Variants in E2F3 observed in about 807,000 individuals in gnomAD.
E2F3 encodes E2F transcription factor 3.
A neutral mutation model predicts 44.4 loss-of-function variants in E2F3; 11 were observed. The ratio of observed to expected loss-of-function variants is 0.25; its 90% CI spans 0.16 to 0.41. E2F3 has a LOEUF of 0.41. Ranked by LOEUF, E2F3 falls within the 10% of genes least tolerant of loss-of-function variation. The pLI, the probability that E2F3 is intolerant of heterozygous loss-of-function variation, is 1.00. For missense variants in E2F3, 487 were observed against 583.6 expected (o/e 0.83, Z 1.70); for synonymous variants, 249 against 253.0 (o/e 0.98, Z 0.15).
rs1762403715 is a variant in E2F3 at position 20,486,671 on chromosome 6, T to C, written c.885-18T>C. Reference sequence around the variant, plus strand: ...ATATCTGAGGTAATTAGATGGAAGATTCCTTGACACTCTTTACGTTAGCTT... The same window carrying C: ...ATATCTGAGGTAATTAGATGGAAGACTCCTTGACACTCTTTACGTTAGCTT... On this transcript the variant is annotated intron_variant, in intron 4 of 6. Transcript: ENST00000346618. 3.0e-6 allele frequency: 4 copies of C among 1,327,240 alleles called. No individual in the cohort carries two copies. The highest frequency in any genetic ancestry group is 4.3e-6 in the Non-Finnish European group (4 of 932,988). 82.2% of individuals were successfully genotyped at this position (1,327,240 alleles called of 1,614,324 possible).
Position 20,424,212 on chromosome 6 carries a change from T to G in E2F3, c.393+21587T>G, listed in dbSNP as rs528464604. On this transcript the variant is annotated intron_variant, in intron 1 of 6. Coordinates refer to ENST00000346618, the MANE Select transcript of E2F3 (RefSeq NM_001949.5). ...TTGATCTTTAACCTCAGTGGAAGGG[T>G]GTGTGTGTGTGTGTGTGTGTGTGTG... 2.4e-4 allele frequency among the ~76,000 whole-genome samples: 30 copies of G among 122,894 alleles called. No individual in the cohort carries two copies. The South Asian group carries it at 6.4e-3, about 26-fold the overall frequency. 80.6% of individuals were successfully genotyped at this position (122,894 alleles called of 152,430 possible).
chr6:20,435,462 C>A (rs1013865255), intron 1 of E2F3, among the ~76,000 whole-genome samples: 1 of 152,194 alleles, frequency 6.6e-6, no homozygotes, highest in African/African-American at 2.4e-5. Flanking sequence ...TATTAAAACT[C>A]ATTGACTTGG....
At chr6:20,439,513 A>G (rs2127596011) in intron 1 of E2F3, among the ~76,000 whole-genome samples, 1 of 152,300 alleles carries the variant, frequency 6.6e-6, no homozygotes, top group Admixed American at 6.5e-5. Flanking sequence ...TCCCTCTGCA[A>G]CCATCATTTT....
rs185242542 is a variant in E2F3 at position 20,473,798 on chromosome 6, A to G, written c.394-6048A>G. ...GTACTTTCCCAGTGGTTCCCAAGAA[A>G]AATCCCAGGATTGACTGACCCTTCC... On this transcript the variant is annotated intron_variant, in intron 1 of 6. Transcript: ENST00000346618. Among the ~76,000 whole-genome samples the G allele has an allele frequency of 1.0e-3, 153 of 152,266 alleles. 1 individual carries two copies. The highest frequency in any genetic ancestry group is 3.6e-3 in the African/African-American group (148 of 41,540).
chr6:20,465,010 C>G (rs908506330), intron 1 of E2F3, among the ~76,000 whole-genome samples: 2 of 152,208 alleles, frequency 1.3e-5, no homozygotes, highest in African/African-American at 4.8e-5. Context: ...ATCATCCTAG[C>G]AATCCTTACA....
At chr6:20,442,682 T>A (rs1760815564) in intron 1 of E2F3, among the ~76,000 whole-genome samples, 1 of 152,186 alleles carries the variant, frequency 6.6e-6, no homozygotes, top group Non-Finnish European at 1.5e-5. Flanking sequence ...TTTAAACATA[T>A]CTCAGGCCGG....
chr6:20,475,893 G>T (rs900172046), intron 1 of E2F3, among the ~76,000 whole-genome samples: 1 of 152,074 alleles, frequency 6.6e-6, no homozygotes, highest in Non-Finnish European at 1.5e-5. Flanking sequence ...TCTTTGAGGC[G>T]GGCCAGCCTC....
intron 1 of E2F3, among the ~76,000 whole-genome samples, chr6:20,454,495 T>C (rs952253123): frequency 3.9e-5 from 6 of 152,172 alleles, no homozygotes; most frequent in Admixed American, 3.9e-4. Flanking sequence ...TAGGAAACTT[T>C]TCTGAGTTTT....
Position 20,402,741 on chromosome 6 carries a change from C to T in E2F3, c.393+116C>T, listed in dbSNP as rs1581557281. The T allele has an allele frequency of 8.0e-7, 1 of 1,248,230 alleles. No homozygotes were observed. Among genetic ancestry groups the T allele is most frequent in the Non-Finnish European group, 1.0e-6 (1 of 997,832 alleles). The allele number at this position is 1,248,230 out of a possible 1,614,324, so 77.3% of individuals were successfully genotyped here. A position where few individuals can be genotyped will look rare whatever the true frequency, so the allele number is the denominator to read the frequency against. Reference sequence around the variant, plus strand: ...AGAGCACTGGGCCGAGCATCGTGGGCCTCGGGGGCTGCCCCTCCAACGAGG... The same window carrying T: ...AGAGCACTGGGCCGAGCATCGTGGGTCTCGGGGGCTGCCCCTCCAACGAGG... On this transcript the variant is annotated intron_variant, in intron 1 of 6. Coordinates refer to ENST00000346618, the MANE Select transcript of E2F3 (RefSeq NM_001949.5). This position sits in a 1 kb window ranked among gnomAD's most constrained non-coding sequence, Gnocchi z 5.6.
intron 1 of E2F3, chr6:20,445,247 C>CTTTT (rs397791188): frequency 5.7e-4 from 341 of 603,366 alleles, no homozygotes; most frequent in South Asian, 1.4e-3. Context: ...TATTTTCTCC[C>CTTTT]TTTTTTTTTT....
chr6:20,445,187 A>C (rs940560501), intron 1 of E2F3: 2 of 953,108 alleles, frequency 2.1e-6, no homozygotes, highest in East Asian at 1.2e-4. Flanking sequence ...TACTACCAAC[A>C]TCATCTTCCT....
At chr6:20,416,843 C>A in intron 1 of E2F3, among the ~76,000 whole-genome samples, 1 of 152,130 alleles carries the variant, frequency 6.6e-6, no homozygotes, top group East Asian at 1.9e-4. Flanking sequence ...GTCTTAGGTA[C>A]ACCAAGACAC....
At chr6:20,416,878 C>G (rs1227483110) in intron 1 of E2F3, among the ~76,000 whole-genome samples, 1 of 152,134 alleles carries the variant, frequency 6.6e-6, no homozygotes, top group African/African-American at 2.4e-5. Context: ...ACCCTTTGAT[C>G]TCTTTCCTGG....
intron 1 of E2F3, among the ~76,000 whole-genome samples, chr6:20,435,974 CTTTTTTTTTTT>C (rs68162662): frequency 0.77 from 108,794 of 140,658 alleles, 45,249 homozygotes; most frequent in East Asian, 0.93. Flanking sequence ...AAGAATTGTC[CTTTTTTTTTTT>C]TTTTTTTTTT....
chr6:20,413,530 G>T (rs1196689578), intron 1 of E2F3, among the ~76,000 whole-genome samples: 1 of 152,100 alleles, frequency 6.6e-6, no homozygotes, highest in Non-Finnish European at 1.5e-5. Flanking sequence ...TACAAAGATG[G>T]GTCTCCCAAA....
intron 1 of E2F3, among the ~76,000 whole-genome samples, chr6:20,466,130 G>A (rs927032757): frequency 1.3e-5 from 2 of 148,248 alleles, no homozygotes; most frequent in Non-Finnish European, 3.0e-5. Flanking sequence ...GGCGGGGGGT[G>A]TGGGCAGAGT....
chr6:20,453,705 G>A (rs1049211014), intron 1 of E2F3, among the ~76,000 whole-genome samples: 2 of 152,180 alleles, frequency 1.3e-5, no homozygotes, highest in African/African-American at 4.8e-5. Flanking sequence ...AGTCGTGCCT[G>A]ACTCAACTTT....
In E2F3 at chr6:20,484,952, C is replaced by CAA. The variant is rs575881477; in HGVS notation, c.885-1721_885-1720dup. ...TTAGTGACAGAGTGGGAGTCCGTCT[C>CAA]AAAAAAAAAAAAAAAAAGAAGCTAC... On this transcript the variant is annotated intron_variant, in intron 4 of 6. Transcript: ENST00000346618. Among the ~76,000 whole-genome samples the CAA allele has an allele frequency of 4.0e-3, 250 of 62,422 alleles. 1 individual carries two copies. Among genetic ancestry groups the CAA allele is most frequent in the African/African-American group, 0.011 (230 of 20,460 alleles). 41.0% of individuals were successfully genotyped at this position (62,422 alleles called of 152,430 possible). A position where few individuals can be genotyped will look rare whatever the true frequency, so the allele number is the denominator to read the frequency against.
In E2F3 at chr6:20,408,949, G is replaced by A. The variant is rs541680033; in HGVS notation, c.393+6324G>A. On this transcript the variant is annotated intron_variant, in intron 1 of 6. Coordinates refer to ENST00000346618, the MANE Select transcript of E2F3 (RefSeq NM_001949.5). Reference sequence around the variant, plus strand: ...GTCTTGGAATCATAACATTTGAGAAGTGTAAGGCACAAGAGTCCTCATCTG... The same window carrying A: ...GTCTTGGAATCATAACATTTGAGAAATGTAAGGCACAAGAGTCCTCATCTG... Among the ~76,000 whole-genome samples the A allele has an allele frequency of 3.3e-5, 5 of 152,286 alleles. No homozygotes were observed. The South Asian group carries it at 1.0e-3, about 32-fold the overall frequency.
Sources: allele counts gnomAD v4.1 joint callset (sites outside exome capture counted in the v4.1 genomes callset), GRCh38; gene constraint gnomAD v4.1.1; non-coding constraint Gnocchi (gnomAD v3.1); transcripts MANE v1.5; gene names NCBI Gene and HGNC (gene_info 2026-07-23, HGNC 2026-07-21).